BTAF1: variants seen among roughly 807,000 people sequenced by gnomAD.
BTAF1 encodes TATA-binding protein-associated factor 172.
In BTAF1, 38 loss-of-function variants were observed where a neutral mutation model predicts 227.1. The observed-to-expected ratio is 0.17, with a 90% CI of 0.13 to 0.22. BTAF1 has a LOEUF of 0.22. BTAF1 is among the 10% of genes least tolerant of loss of function. The pLI is 1.00. For synonymous variants in BTAF1, 742 were observed against 751.9 expected (o/e 0.99, Z 0.21); for missense variants, 1,598 against 2,204.0 (o/e 0.73, Z 5.51).
At chr10:92,022,859 T>A (rs1277179865) in intron 34 of BTAF1, among the ~76,000 whole-genome samples, 2 of 152,192 alleles carry the variant, frequency 1.3e-5, no homozygotes, top group Admixed American at 6.5e-5. Flanking sequence ...TCGATCAGAC[T>A]TGTTTATTTG....
At position 92,024,755 on chromosome 10, in the gene BTAF1, G is replaced by A; in HGVS notation, c.4864-1G>A. 1 of 1,103,594 alleles carries A rather than the reference G, an allele frequency of 9.1e-7. No homozygotes were observed. The highest frequency in any genetic ancestry group is 2.0e-5 in the South Asian group (1 of 51,220). 68.4% of individuals were successfully genotyped at this position (1,103,594 alleles called of 1,614,324 possible). On this transcript the variant is annotated splice_acceptor_variant, in intron 34 of 37. Transcript: ENST00000265990. LOFTEE classifies it high-confidence loss of function. ...TAGTTTTTTTTTTTTTTCTTCCTAA[G>A]TTGCTGTTGGACTGCGGTTTGGGAA...
intron 6 of BTAF1, 68 bp from the exon 7 acceptor site, chr10:91,956,460 T>C (rs751642760): frequency 8.2e-5 from 119 of 1,443,150 alleles, no homozygotes; most frequent in Middle Eastern, 6.6e-4. Flanking sequence ...TTATCTTTTA[T>C]TCATTTCATT....
chr10:92,019,717 T>C (rs1466681084), intron 34 of BTAF1, among the ~76,000 whole-genome samples: 2 of 152,220 alleles, frequency 1.3e-5, no homozygotes, highest in African/African-American at 2.4e-5. Context: ...AAGTGATAAC[T>C]CCTTGTGGAT....
chr10:91,985,898 A>G (rs1197438305), intron 19 of BTAF1, among the ~76,000 whole-genome samples: 1 of 152,088 alleles, frequency 6.6e-6, no homozygotes, highest in Non-Finnish European at 1.5e-5. Context: ...ATTTTCTGGC[A>G]GTGAGTGGTT....
chr10:91,959,158 A>C lies in BTAF1; in HGVS notation c.990+4A>C. The C allele has an allele frequency of 1.9e-6, 3 of 1,614,004 alleles. No homozygotes were observed. The highest frequency in any genetic ancestry group is 2.5e-6 in the Non-Finnish European group (3 of 1,179,942). On this transcript the variant is annotated splice_donor_region_variant and intron_variant, in intron 9 of 37. Transcript: ENST00000265990. ...GGGTGACAGCACTTTAGAAGAGGTA[A>C]GTGTATTAATGCAACAATTATCACC...
chr10:92,017,653 G>T (rs1364547470), intron 33 of BTAF1, among the ~76,000 whole-genome samples: 1 of 151,970 alleles, frequency 6.6e-6, no homozygotes, highest in Admixed American at 6.5e-5. Flanking sequence ...AGGACTACAG[G>T]TGCACACCAC....
chr10:91,940,832 G>GCA (rs1229018571), intron 3 of BTAF1, among the ~76,000 whole-genome samples: 1 of 151,922 alleles, frequency 6.6e-6, no homozygotes, highest in Non-Finnish European at 1.5e-5. Context: ...TTACAGTTGT[G>GCA]CACCACCATG....
intron 32 of BTAF1, among the ~76,000 whole-genome samples, chr10:92,014,972 G>A (rs1476984144): frequency 6.6e-6 from 1 of 152,174 alleles, no homozygotes; most frequent in Non-Finnish European, 1.5e-5. Context: ...ACACAATATT[G>A]TATCTTATGG....
intron 34 of BTAF1, 68 bp from the exon 35 acceptor site, chr10:92,024,688 G>A (rs1590002978): frequency 1.5e-5 from 20 of 1,304,702 alleles, no homozygotes; most frequent in Non-Finnish European, 2.1e-5. Flanking sequence ...AGAGAGGAAT[G>A]TCACAGTGAG....
At chr10:91,989,678 T>A in intron 20 of BTAF1, 98 bp downstream of exon 20, 1 of 1,187,666 alleles carries the variant, frequency 8.4e-7, no homozygotes, top group Non-Finnish European at 1.2e-6. Flanking sequence ...CAGTTCATGT[T>A]AGTGTTTTTT....
intron 20 of BTAF1, among the ~76,000 whole-genome samples, chr10:91,990,839 G>A (rs9633690): frequency 3.7e-4 from 57 of 152,126 alleles, no homozygotes; most frequent in East Asian, 1.9e-3. Context: ...CCAGGCAGTG[G>A]CTCATGCCTG....
intron 32 of BTAF1, among the ~76,000 whole-genome samples, chr10:92,015,195 TG>T (rs1401506571): frequency 2.0e-5 from 3 of 152,252 alleles, no homozygotes; most frequent in Non-Finnish European, 4.4e-5. Context: ...GAATTTATTG[TG>T]AGCCTTTCCT....
intron 25 of BTAF1, 87 bp downstream of exon 25, chr10:91,997,838 A>G (rs1038021656): frequency 7.3e-7 from 1 of 1,365,362 alleles, no homozygotes; most frequent in East Asian, 2.4e-5. Context: ...GCCAGGTACA[A>G]AGGCTCATGC....
Position 92,016,196 on chromosome 10 carries a change from G to A in BTAF1, c.4585-144G>A, listed in dbSNP as rs833371. On this transcript the variant is annotated intron_variant, in intron 32 of 37. Transcript: ENST00000265990. The stretch of plus-strand genomic sequence containing the variant: ...ATGGAGTGGATAACCTGTAATTCCT[G>A]TAGTGAATTAGAGATATCACAATTT... 887,286 of 896,672 alleles carry A rather than the reference G, an allele frequency of 0.99. 439,640 individuals are homozygous for A. The highest frequency in any genetic ancestry group is 1 in the East Asian group (32,272 of 32,274). The allele number at this position is 896,672 out of a possible 1,614,324, so 55.5% of individuals were successfully genotyped here.
At position 92,029,527 on chromosome 10, in the gene BTAF1, C is replaced by G. The variant is rs989697213; in HGVS notation, c.*594C>G. On this transcript the variant is annotated 3_prime_UTR_variant, in exon 38 of 38. Transcript: ENST00000265990. ...CAAATCTTTAACATCATTTTTTCAA[C>G]TTTTAAGATATAATATCAACTATTC... 1 of 151,744 alleles carries G rather than the reference C, an allele frequency of 6.6e-6. No individual in the cohort carries two copies. Among genetic ancestry groups the G allele is most frequent in the Non-Finnish European group, 1.5e-5 (1 of 67,846 alleles). 9.4% of individuals were successfully genotyped at this position (151,744 alleles called of 1,614,324 possible).
chr10:91,993,613 C>T, intron 21 of BTAF1, 81 bp from the exon 22 acceptor site: 3 of 1,122,398 alleles, frequency 2.7e-6, no homozygotes, highest in Non-Finnish European at 3.5e-6. Context: ...TAGATGGTGA[C>T]TTTTAAATTC....
chr10:91,986,908 G>A (rs1450602766), intron 19 of BTAF1, among the ~76,000 whole-genome samples: 1 of 151,668 alleles, frequency 6.6e-6, no homozygotes, highest in Non-Finnish European at 1.5e-5. Context: ...ACTGCCTTTT[G>A]TATCTTCATT....
At chr10:91,950,727 T>C (rs1038833617) in intron 4 of BTAF1, among the ~76,000 whole-genome samples, 4 of 152,298 alleles carry the variant, frequency 2.6e-5, no homozygotes, top group South Asian at 2.1e-4. Context: ...GTTGAGCCCT[T>C]TTACTGTTGA....
At chr10:91,996,851 T>A (rs1476404904) in intron 24 of BTAF1, among the ~76,000 whole-genome samples, 1 of 152,216 alleles carries the variant, frequency 6.6e-6, no homozygotes, top group Non-Finnish European at 1.5e-5. Context: ...TTTATGTACT[T>A]TATGAACTAT....
Sources: gnomAD v4.1 joint callset for allele counts (sites outside exome capture counted in the v4.1 genomes callset) on GRCh38, gnomAD v4.1.1 for gene constraint, MANE v1.5 for transcripts, NCBI Gene and HGNC (gene_info 2026-07-23, HGNC 2026-07-21) for gene names.